PSME4: variants seen among roughly 807,000 people sequenced by gnomAD.
PSME4 encodes proteasome activator subunit 4.
Under a neutral mutation model 253.9 loss-of-function variants are expected in PSME4, and 89 were observed. That is an observed-to-expected ratio of 0.35 (90% confidence interval 0.30 to 0.42). The LOEUF (loss-of-function observed/expected upper bound fraction) is 0.42, where lower values mean the gene tolerates loss of function less well. Among genes scored for constraint, PSME4 ranks in the 10% least tolerant of loss-of-function variants. The pLI is 1.00. For synonymous variants in PSME4, 851 were observed against 759.2 expected, an observed-to-expected ratio of 1.12 and a Z score of -1.99; for missense variants, 2,014 against 2,195.2, an observed-to-expected ratio of 0.92 and a Z score of 1.65.
Position 53,893,794 on chromosome 2 carries a change from T to C in PSME4, c.3918A>G (p.Glu1306=), listed in dbSNP as rs1447367054. ...GRSREDMTEA[E]QIIFDHFSDP... ...CAGAAAAATGATCAAATATAATCTG[T>C]TCTGCCTATAAAGTTAAAAAAAGAA... The change falls in exon 35 of 47, where the codon GAA becomes GAG. Residue 1306 remains glutamate (E), a synonymous_variant. Coordinates refer to ENST00000404125, the MANE Select transcript of PSME4 (RefSeq NM_014614.3). 6 of 1,600,588 alleles carry C rather than the reference T, an allele frequency of 3.7e-6. No homozygotes were observed. The highest frequency in any genetic ancestry group is 5.1e-6 in the Non-Finnish European group (6 of 1,175,298).
chr2:53,899,645 C>T (rs571373329), intron 29 of PSME4, among the ~76,000 whole-genome samples: 36 of 151,920 alleles, frequency 2.4e-4, no homozygotes, highest in African/African-American at 7.7e-4. Context: ...TGGTAAAACC[C>T]TGTCTCTACT....
At chr2:53,901,793 G>C (rs1419447922) in intron 27 of PSME4, among the ~76,000 whole-genome samples, 1 of 152,228 alleles carries the variant, frequency 6.6e-6, no homozygotes. Context: ...GTTTGGGACA[G>C]GTGAGGTGGC....
chr2:53,868,493 ATATG>A (rs1180793250), intron 44 of PSME4, among the ~76,000 whole-genome samples: 1 of 40,168 alleles, frequency 2.5e-5, no homozygotes, highest in Admixed American at 2.6e-4. Flanking sequence ...ATATATATAT[ATATG>A]ATATATATTA....
At position 53,970,957 on chromosome 2, in the gene PSME4, C is replaced by T. The variant is rs1211565828; in HGVS notation, c.-173G>A. On this transcript the variant is annotated 5_prime_UTR_variant, in exon 1 of 47. Coordinates refer to ENST00000404125, the MANE Select transcript of PSME4 (RefSeq NM_014614.3). ...GGCCGGCGTGCTGCTGGGCCCCACGCGGCTCTCAGTTCGTTGGCGGCGGCA... is the reference window on the plus strand; with the variant it reads ...GGCCGGCGTGCTGCTGGGCCCCACGTGGCTCTCAGTTCGTTGGCGGCGGCA... 3.8e-6 allele frequency: 2 copies of T among 520,714 alleles called. No homozygotes were observed. Among genetic ancestry groups the T allele is most frequent in the South Asian group, 3.6e-5 (1 of 28,036 alleles). 32.3% of individuals were successfully genotyped at this position (520,714 alleles called of 1,614,324 possible). A position where few individuals can be genotyped will look rare whatever the true frequency, so the allele number is the denominator to read the frequency against.
At chr2:53,918,391 T>C (rs1558681960) in intron 20 of PSME4, among the ~76,000 whole-genome samples, 2 of 152,214 alleles carry the variant, frequency 1.3e-5, no homozygotes, top group Non-Finnish European at 2.9e-5. Flanking sequence ...TCTCACTCTA[T>C]TGCCCAGGCT....
intron 43 of PSME4, among the ~76,000 whole-genome samples, chr2:53,871,420 A>AT (rs1354038147): frequency 6.6e-6 from 1 of 151,598 alleles, no homozygotes; most frequent in African/African-American, 2.4e-5. Context: ...CGCCTGGCTA[A>AT]TTTTTTTGTA....
At chr2:53,941,339 C>G (rs558100318) in intron 3 of PSME4, among the ~76,000 whole-genome samples, 1 of 150,118 alleles carries the variant, frequency 6.7e-6, no homozygotes, top group South Asian at 2.1e-4. Context: ...CATCAATAAG[C>G]ACTGTCTCTG....
chr2:53,930,010 T>A (rs1668748084), intron 10 of PSME4, among the ~76,000 whole-genome samples: 3 of 151,496 alleles, frequency 2.0e-5, no homozygotes, highest in African/African-American at 7.3e-5. Flanking sequence ...AGAGCAAGAG[T>A]CTGTCTCTAA....
chr2:53,970,458 G>T, intron 1 of PSME4, 85 bp downstream of exon 1: 1 of 1,537,420 alleles, frequency 6.5e-7, no homozygotes, highest in Non-Finnish European at 8.7e-7. Flanking sequence ...TAAGGGTCCA[G>T]CCCTCTGGAC....
At chr2:53,927,598 C>T (rs1668617920) in intron 11 of PSME4, 115 bp from the exon 12 acceptor site, 3 of 792,716 alleles carry the variant, frequency 3.8e-6, no homozygotes, top group Non-Finnish European at 6.4e-6. Context: ...AATCCCACAA[C>T]AGTTTTTCTG....
At position 53,897,946 on chromosome 2, in the gene PSME4, T is replaced by C; in HGVS notation, c.3530A>G (p.Asp1177Gly). The change falls in exon 31 of 47, where the codon GAT (aspartate) becomes GGT (glycine). Residue 1177 changes from aspartate to glycine, a missense_variant. This residue lies in a region of PSME4 where 989 missense variants were observed against 1,021.1 expected (regional missense o/e 0.97). Transcript: ENST00000404125. ...GIGLLSLLLR[D>G]DRVLPLRAIR... ...GGCACGAAGAGGCAACACTCGGTCA[T>C]CTCTCAGCAGTAGAGACAGAAGCCC... 2 of 1,613,228 alleles carry C rather than the reference T, an allele frequency of 1.2e-6. No homozygotes were observed. Among genetic ancestry groups the C allele is most frequent in the Non-Finnish European group, 1.7e-6 (2 of 1,179,256 alleles).
intron 1 of PSME4, among the ~76,000 whole-genome samples, chr2:53,965,246 ATT>A (rs35223836): frequency 7.1e-4 from 100 of 141,490 alleles, no homozygotes; most frequent in East Asian, 1.0e-3. Context: ...AGGCCAAGTG[ATT>A]TTTTTTTTTT....
In PSME4 at chr2:53,901,322, A is replaced by G. The variant is rs746797913; in HGVS notation, c.3285+28T>C. On this transcript the variant is annotated intron_variant, in intron 28 of 46. Coordinates refer to ENST00000404125, the MANE Select transcript of PSME4 (RefSeq NM_014614.3). ...TTAACAAGACAGGATTTACACTAAA[A>G]CTTGAATGAAAGAATGATATTGCTT... The G allele has an allele frequency of 1.9e-6, 3 of 1,566,984 alleles. No homozygotes were observed. The East Asian group carries it at 6.7e-5, about 35-fold the overall frequency.
At chr2:53,970,282 C>A (rs1019462633) in intron 1 of PSME4, among the ~76,000 whole-genome samples, 2 of 152,170 alleles carry the variant, frequency 1.3e-5, no homozygotes, top group Non-Finnish European at 2.9e-5. Flanking sequence ...GGTGGGAAGA[C>A]AACAACCCGA....
rs781609993 is a variant in PSME4 at position 53,940,003 on chromosome 2, G to C, written c.501-3C>G. 1.3e-6 allele frequency: 2 copies of C among 1,549,200 alleles called. No homozygotes were observed. The highest frequency in any genetic ancestry group is 1.2e-5 in the South Asian group (1 of 83,852). On this transcript the variant is annotated splice_region_variant and splice_polypyrimidine_tract_variant and intron_variant, in intron 3 of 46. Coordinates refer to ENST00000404125, the MANE Select transcript of PSME4 (RefSeq NM_014614.3). ...TTTTGAGAATATTTTCTACAGAACT[G>C]GGGGGGGAAAGCCATTTGATAATTA... is the stretch of plus-strand genomic sequence containing the variant.
intron 1 of PSME4, among the ~76,000 whole-genome samples, chr2:53,960,339 C>T (rs1383674559): frequency 6.8e-6 from 1 of 146,982 alleles, no homozygotes; most frequent in Non-Finnish European, 1.5e-5. Flanking sequence ...GCGGAGGTTG[C>T]AGTGAGCCAA....
chr2:53,939,737 GT>G (rs771831896), intron 4 of PSME4, among the ~76,000 whole-genome samples: 18 of 152,066 alleles, frequency 1.2e-4, no homozygotes, highest in Non-Finnish European at 1.0e-4. Context: ...GTAAAGTATG[GT>G]ATTCTTACTT....
chr2:53,891,785 C>T lies in PSME4; in HGVS notation c.4191+1023G>A, dbSNP rs1188985463. On this transcript the variant is annotated intron_variant, in intron 36 of 46. Coordinates refer to ENST00000404125, the MANE Select transcript of PSME4 (RefSeq NM_014614.3). The stretch of plus-strand genomic sequence containing the variant: ...TGAGGCATTGCTTGAACCCAGGGAG[C>T]AGAGGTTGCAGTGAGCAATGATCAC... Among the ~76,000 whole-genome samples the T allele has an allele frequency of 2.7e-5, 4 of 149,204 alleles. No homozygotes were observed. In the East Asian group the frequency reaches 7.9e-4, roughly 29 times the overall value.
rs769717678 is a variant in PSME4, at chr2:53,906,872, G to A, written c.2785-4C>T. 5.0e-6 allele frequency: 8 copies of A among 1,612,476 alleles called. No individual in the cohort carries two copies. The highest frequency in any genetic ancestry group is 1.7e-4 in the Middle Eastern group (1 of 5,918). On this transcript the variant is annotated splice_region_variant and splice_polypyrimidine_tract_variant and intron_variant, in intron 24 of 46. Coordinates refer to ENST00000404125, the MANE Select transcript of PSME4 (RefSeq NM_014614.3). Reference sequence around the variant, plus strand: ...TATGTTGTTTTTTCCCATGGAGCTGGAAAACAAAGTAGCAACAAATACTTC... The same window carrying A: ...TATGTTGTTTTTTCCCATGGAGCTGAAAAACAAAGTAGCAACAAATACTTC...
Sources: allele counts gnomAD v4.1 joint callset (sites outside exome capture counted in the v4.1 genomes callset), GRCh38; gene constraint gnomAD v4.1.1; regional missense constraint gnomAD v4.1.1; transcripts MANE v1.5; gene names NCBI Gene and HGNC (gene_info 2026-07-23, HGNC 2026-07-21).